Variants in MYO10 observed in about 807,000 individuals in gnomAD.
The protein encoded by MYO10 is unconventional myosin-X.
A neutral mutation model predicts 257.3 loss-of-function variants in MYO10; 133 were observed. The observed-to-expected ratio is 0.52, with a 90% CI of 0.45 to 0.60. The LOEUF is 0.60. Ranked by LOEUF, MYO10 falls within the 20% of genes least tolerant of loss-of-function variation. The pLI is 0.00. For missense variants in MYO10, 2,399 were observed against 2,635.7 expected (o/e 0.91, Z 1.97); for synonymous variants, 1,104 against 1,028.6 (o/e 1.07, Z -1.40).
At chr5:16,907,541 A>C (rs1745551206) in intron 1 of MYO10, among the ~76,000 whole-genome samples, 1 of 152,184 alleles carries the variant, frequency 6.6e-6, no homozygotes, top group African/African-American at 2.4e-5. Flanking sequence ...CAAAAGGACA[A>C]TTTCATCCAT....
chr5:16,915,821 G>T (rs1175022732), intron 1 of MYO10, among the ~76,000 whole-genome samples: 1 of 152,122 alleles, frequency 6.6e-6, no homozygotes, highest in Non-Finnish European at 1.5e-5. Context: ...GCCGGGTGTG[G>T]TGGCATGCAC....
At chr5:16,794,227 C>T (rs571775715) in intron 4 of MYO10, among the ~76,000 whole-genome samples, 3 of 151,896 alleles carry the variant, frequency 2.0e-5, no homozygotes, top group African/African-American at 4.8e-5. Flanking sequence ...AAAAAAGAAA[C>T]CTTGTTCACA....
At chr5:16,715,392 A>ATTTTTTTTTT (rs372307063) in intron 19 of MYO10, among the ~76,000 whole-genome samples, 12 of 84,336 alleles carry the variant, frequency 1.4e-4, no homozygotes, top group East Asian at 3.9e-4. Flanking sequence ...TAAGATTGAA[A>ATTTTTTTTTT]TTTTTTTTTT....
rs1434842055 is a variant in MYO10 at position 16,661,944 on chromosome 5, C to T, written c.*4748G>A. The T allele has an allele frequency of 1.3e-5, 2 of 152,118 alleles. No homozygotes were observed. Among genetic ancestry groups the T allele is most frequent in the Non-Finnish European group, 2.9e-5 (2 of 68,018 alleles). The allele number at this position is 152,118 out of a possible 1,614,324, so 9.4% of individuals were successfully genotyped here. On this transcript the variant is annotated 3_prime_UTR_variant, in exon 41 of 41. Coordinates refer to ENST00000513610, the MANE Select transcript of MYO10 (RefSeq NM_012334.3). ...AAACTTTATTCACAAAAACAGGTGGCAGGGTAGATTTGGTCTCTGTACTGT... is the reference window on the plus strand; with the variant it reads ...AAACTTTATTCACAAAAACAGGTGGTAGGGTAGATTTGGTCTCTGTACTGT...
chr5:16,868,537 G>A (rs1263034600), intron 2 of MYO10, among the ~76,000 whole-genome samples: 2 of 152,056 alleles, frequency 1.3e-5, no homozygotes, highest in East Asian at 3.8e-4. Context: ...CCGGGAGGCG[G>A]AGGTTTGCAG....
At chr5:16,826,944 G>A (rs543792856) in intron 2 of MYO10, among the ~76,000 whole-genome samples, 51 of 152,290 alleles carry the variant, frequency 3.3e-4, no homozygotes, top group African/African-American at 1.2e-3. Context: ...AATGACTGGT[G>A]TATGCGTGCT....
intron 4 of MYO10, among the ~76,000 whole-genome samples, chr5:16,793,324 T>TTTTA (rs915053852): frequency 3.9e-5 from 6 of 152,054 alleles, no homozygotes; most frequent in African/African-American, 9.7e-5. Flanking sequence ...AATTAAGAAA[T>TTTTA]TTTATTTATT....
intron 1 of MYO10, among the ~76,000 whole-genome samples, chr5:16,914,555 G>A (rs140986475): frequency 1.1e-3 from 166 of 152,244 alleles, no homozygotes; most frequent in African/African-American, 3.8e-3. Context: ...TACTACTTTT[G>A]TTTTGCCTAT....
At chr5:16,873,463 G>A (rs1003634316) in intron 2 of MYO10, among the ~76,000 whole-genome samples, 3 of 152,218 alleles carry the variant, frequency 2.0e-5, no homozygotes, top group Non-Finnish European at 4.4e-5. Flanking sequence ...CAAGCTGTCA[G>A]TGGATCTACC....
chr5:16,708,931 C>T (rs963741384), intron 21 of MYO10, among the ~76,000 whole-genome samples: 2 of 152,286 alleles, frequency 1.3e-5, no homozygotes, highest in African/African-American at 2.4e-5. Flanking sequence ...CCACTTGAGC[C>T]ATTTTCTTCA....
At chr5:16,828,867 C>T (rs560925231) in intron 2 of MYO10, among the ~76,000 whole-genome samples, 2 of 152,128 alleles carry the variant, frequency 1.3e-5, no homozygotes, top group Non-Finnish European at 2.9e-5. Context: ...CAGGTGCACA[C>T]CACCATGCCC....
At chr5:16,742,140 T>A in intron 19 of MYO10, 1 of 985,198 alleles carries the variant, frequency 1.0e-6, no homozygotes, top group African/African-American at 1.7e-5. Flanking sequence ...TCAATAATTT[T>A]TTTTTAAAAA....
At chr5:16,754,997 A>C (rs1010545009) in intron 18 of MYO10, 89 bp from the exon 19 acceptor site, 1 of 762,252 alleles carries the variant, frequency 1.3e-6, no homozygotes, top group Admixed American at 2.9e-5. Flanking sequence ...ACAATAATTT[A>C]AAAAACACAA....
intron 1 of MYO10, among the ~76,000 whole-genome samples, chr5:16,933,113 G>A (rs1211361391): frequency 6.6e-6 from 1 of 152,202 alleles, no homozygotes; most frequent in Non-Finnish European, 1.5e-5. Flanking sequence ...AACACAAATA[G>A]GAATTAATAC....
chr5:16,752,105 G>A (rs1157108510), intron 19 of MYO10, among the ~76,000 whole-genome samples: 3 of 152,064 alleles, frequency 2.0e-5, no homozygotes, highest in Non-Finnish European at 4.4e-5. Flanking sequence ...CAGAAACACT[G>A]GGGACTGAGT....
chr5:16,920,481 G>A (rs1745951270), intron 1 of MYO10, among the ~76,000 whole-genome samples: 1 of 152,142 alleles, frequency 6.6e-6, no homozygotes, highest in Non-Finnish European at 1.5e-5. Context: ...TAGAGAAGGA[G>A]AAAAAAGAAG....
chr5:16,904,025 C>A (rs1321431370), intron 1 of MYO10, among the ~76,000 whole-genome samples: 1 of 152,074 alleles, frequency 6.6e-6, no homozygotes, highest in Non-Finnish European at 1.5e-5. Flanking sequence ...GGCTGGTAGC[C>A]CCTAGGTGGT....
intron 25 of MYO10, 133 bp from the exon 26 acceptor site, chr5:16,699,706 G>A (rs894847403): frequency 3.5e-5 from 38 of 1,081,704 alleles, no homozygotes; most frequent in Admixed American, 9.0e-5. Flanking sequence ...AGAATCACTC[G>A]AACCCAGGAG....
intron 1 of MYO10, among the ~76,000 whole-genome samples, chr5:16,889,188 TTAA>T (rs145689243): frequency 0.27 from 37,215 of 135,980 alleles, 5,639 homozygotes; most frequent in Admixed American, 0.41. Context: ...TTAAAAAAAT[TTAA>T]AAAAAAAAAA....
Sources: allele counts gnomAD v4.1 joint callset (sites outside exome capture counted in the v4.1 genomes callset), GRCh38; gene constraint gnomAD v4.1.1; transcripts MANE v1.5; gene names NCBI Gene and HGNC (gene_info 2026-07-23, HGNC 2026-07-21).